Variants in SGMS1 observed in about 807,000 individuals in gnomAD.
SGMS1 encodes sphingomyelin synthase 1.
In SGMS1, 13 loss-of-function variants were observed where a neutral mutation model predicts 46.2. The observed-to-expected ratio is 0.28, with a 90% CI of 0.18 to 0.45. The LOEUF is 0.45. Ranked by LOEUF, SGMS1 falls within the 20% of genes least tolerant of loss-of-function variation. The probability of loss-of-function intolerance (pLI) is 1.00; values close to 1 mark genes in which losing one functional copy is unlikely to be tolerated. For missense variants in SGMS1, 324 were observed against 519.9 expected, an observed-to-expected ratio of 0.62 and a Z score of 3.66; for synonymous variants, 203 against 187.8, an observed-to-expected ratio of 1.08 and a Z score of -0.66.
rs553906529 is a variant in SGMS1 at position 50,566,884 on chromosome 10, G to A, written c.-589+23269C>T. Among the ~76,000 whole-genome samples the A allele has an allele frequency of 2.9e-4, 44 of 152,226 alleles. No homozygotes were observed. The South Asian group carries it at 8.9e-3, about 31-fold the overall frequency. On this transcript the variant is annotated intron_variant, in intron 2 of 10. Coordinates refer to ENST00000361781, the MANE Select transcript of SGMS1 (RefSeq NM_147156.4). ...GATTACTTATCAATCCTAACACAAC[G>A]AAAATGCTTTGTAAATAGTTGTTAT...
In SGMS1 at chr10:50,592,429, C is replaced by A. The variant is rs115402071; in HGVS notation, c.-683-2182G>T. On this transcript the variant is annotated intron_variant, in intron 1 of 10. Coordinates refer to ENST00000361781, the MANE Select transcript of SGMS1 (RefSeq NM_147156.4). Reference sequence around the variant, plus strand: ...TGGGGGTGAGTAGCAAGGGGTGGACCCTTCTCTCCTTTTTCATTAAAGATG... The same window carrying A: ...TGGGGGTGAGTAGCAAGGGGTGGACACTTCTCTCCTTTTTCATTAAAGATG... Among the ~76,000 whole-genome samples, 730 of 152,112 alleles carry A rather than the reference C, an allele frequency of 4.8e-3. 4 individuals carry two copies. Among genetic ancestry groups the A allele is most frequent in the African/African-American group, 0.017 (685 of 41,502 alleles).
intron 6 of SGMS1, among the ~76,000 whole-genome samples, chr10:50,405,578 T>C (rs1266034756): frequency 1.3e-5 from 2 of 152,202 alleles, no homozygotes; most frequent in African/African-American, 4.8e-5. Flanking sequence ...AAAGCTCTTC[T>C]GGAAGAACTA....
chr10:50,499,492 C>A (rs1208723000), intron 3 of SGMS1, among the ~76,000 whole-genome samples: 1 of 152,190 alleles, frequency 6.6e-6, no homozygotes. Flanking sequence ...CTTTCCTCAA[C>A]TACTCCCAGA....
chr10:50,491,900 T>C lies in SGMS1; in HGVS notation c.-497-24968A>G, dbSNP rs187202045. On this transcript the variant is annotated intron_variant, in intron 3 of 10. Transcript: ENST00000361781. ...TTCAGGCCAGTATCCCTGACAAACATTGATACAAAAATCCTCAACAAAATA... is the reference window on the plus strand; with the variant it reads ...TTCAGGCCAGTATCCCTGACAAACACTGATACAAAAATCCTCAACAAAATA... 6.1e-3 allele frequency among the ~76,000 whole-genome samples: 936 copies of C among 152,272 alleles called. 9 individuals are homozygous for C. The highest frequency in any genetic ancestry group is 0.032 in the South Asian group (154 of 4,822).
chr10:50,562,375 C>T (rs1374634530), intron 2 of SGMS1, among the ~76,000 whole-genome samples: 1 of 150,244 alleles, frequency 6.7e-6, no homozygotes, highest in African/African-American at 2.4e-5. Flanking sequence ...CACACACACA[C>T]ACTCACACAC....
chr10:50,486,971 G>T (rs1837526333), intron 3 of SGMS1, among the ~76,000 whole-genome samples: 1 of 152,210 alleles, frequency 6.6e-6, no homozygotes, highest in South Asian at 2.1e-4. Flanking sequence ...GTAATACTAT[G>T]CAGTCATAGA....
At chr10:50,482,142 C>T (rs1837482746) in intron 3 of SGMS1, among the ~76,000 whole-genome samples, 1 of 152,110 alleles carries the variant, frequency 6.6e-6, no homozygotes, top group Non-Finnish European at 1.5e-5. Flanking sequence ...CAAGACAGGC[C>T]AACATTCAAA....
At chr10:50,416,328 G>A (rs181400357) in intron 6 of SGMS1, among the ~76,000 whole-genome samples, 1 of 152,296 alleles carries the variant, frequency 6.6e-6, no homozygotes, top group East Asian at 1.9e-4. Flanking sequence ...TACTGAGCCT[G>A]TTCTTCAACT....
intron 1 of SGMS1, chr10:50,623,456 C>G: frequency 2.1e-6 from 1 of 474,182 alleles, no homozygotes; most frequent in Non-Finnish European, 2.8e-6. Context: ...GGGAGCCCCG[C>G]CGGCGGCCCG....
intron 3 of SGMS1, among the ~76,000 whole-genome samples, chr10:50,498,313 T>C (rs1366539341): frequency 6.6e-6 from 1 of 152,262 alleles, no homozygotes; most frequent in Non-Finnish European, 1.5e-5. Flanking sequence ...ATTATTTTTA[T>C]TGTGGTAAAA....
chr10:50,348,904 T>C (rs1847960541), intron 6 of SGMS1, among the ~76,000 whole-genome samples: 1 of 152,226 alleles, frequency 6.6e-6, no homozygotes, highest in Admixed American at 6.5e-5. Context: ...TCACGCTACC[T>C]GACTTCAAAC....
Position 50,520,939 on chromosome 10 carries a change from G to A in SGMS1, c.-588-1018C>T, listed in dbSNP as rs142472469. Among the ~76,000 whole-genome samples, 48 of 151,454 alleles carry A rather than the reference G, an allele frequency of 3.2e-4. No homozygotes were observed. In the East Asian group the frequency reaches 8.7e-3, roughly 28 times the overall value. On this transcript the variant is annotated intron_variant, in intron 2 of 10. Transcript: ENST00000361781. ...TTTGAGACAGAGTCTCAGGCTGAGT[G>A]CAGTGGCATAATCATGGCTCACTGC...
chr10:50,541,152 A>G (rs1838048489), intron 2 of SGMS1, among the ~76,000 whole-genome samples: 2 of 152,190 alleles, frequency 1.3e-5, no homozygotes, highest in African/African-American at 4.8e-5. Flanking sequence ...CAGGCACAGA[A>G]AAAGGTAAGA....
intron 5 of SGMS1, among the ~76,000 whole-genome samples, chr10:50,452,843 G>A (rs1264890476): frequency 6.6e-6 from 1 of 152,120 alleles, no homozygotes; most frequent in Non-Finnish European, 1.5e-5. Context: ...TTCAGGGGGT[G>A]GAAAATCTCC....
At chr10:50,331,456 A>G (rs1025015510) in intron 7 of SGMS1, among the ~76,000 whole-genome samples, 2 of 152,236 alleles carry the variant, frequency 1.3e-5, no homozygotes, top group African/African-American at 4.8e-5. Context: ...CTTAATGACT[A>G]TATTAGTAAA....
At chr10:50,557,218 T>C (rs1446829497) in intron 2 of SGMS1, among the ~76,000 whole-genome samples, 2 of 152,212 alleles carry the variant, frequency 1.3e-5, no homozygotes, top group Middle Eastern at 3.2e-3. Context: ...GAACTTAGTA[T>C]CACTTATTTA....
At chr10:50,612,418 T>G (rs148834985) in intron 1 of SGMS1, among the ~76,000 whole-genome samples, 120 of 152,266 alleles carry the variant, frequency 7.9e-4, no homozygotes, top group African/African-American at 2.7e-3. Flanking sequence ...TAAATAGGAC[T>G]GGGGAAGGTA....
chr10:50,565,837 G>A (rs1838283637), intron 2 of SGMS1, among the ~76,000 whole-genome samples: 1 of 152,218 alleles, frequency 6.6e-6, no homozygotes, highest in African/African-American at 2.4e-5. Flanking sequence ...CACCCAGTGT[G>A]TGCCCGTGAC....
chr10:50,486,949 C>T (rs941829209), intron 3 of SGMS1, among the ~76,000 whole-genome samples: 1 of 152,168 alleles, frequency 6.6e-6, no homozygotes, highest in African/African-American at 2.4e-5. Context: ...AAATGTGGTA[C>T]ACATATACTA....
Sources: allele counts gnomAD v4.1 joint callset (sites outside exome capture counted in the v4.1 genomes callset), GRCh38; gene constraint gnomAD v4.1.1; transcripts MANE v1.5; gene names NCBI Gene and HGNC (gene_info 2026-07-23, HGNC 2026-07-21).